KIAA0232: variants seen among roughly 807,000 people sequenced by gnomAD.
KIAA0232 encodes the protein KIAA0232, also known as uncharacterized protein KIAA0232.
A neutral mutation model predicts 122.0 loss-of-function variants in KIAA0232; 27 were observed. The observed-to-expected ratio is 0.22, with a 90% CI of 0.16 to 0.31. The LOEUF is 0.31. Ranked by LOEUF, KIAA0232 falls within the 10% of genes least tolerant of loss-of-function variation. The pLI is 1.00. For missense variants in KIAA0232, 1,551 were observed against 1,634.2 expected (o/e 0.95, Z 0.88); for synonymous variants, 613 against 587.6 (o/e 1.04, Z -0.63).
intron 2 of KIAA0232, among the ~76,000 whole-genome samples, chr4:6,817,055 G>T (rs190012064): frequency 1.3e-4 from 20 of 151,912 alleles, no homozygotes; most frequent in African/African-American, 4.8e-4. Flanking sequence ...CTATTTCACT[G>T]GTTTCTGCTC....
intron 2 of KIAA0232, among the ~76,000 whole-genome samples, chr4:6,807,722 A>G (rs369977835): frequency 1.2e-4 from 18 of 152,174 alleles, no homozygotes; most frequent in Non-Finnish European, 2.2e-4. Context: ...GAGCCAGGCT[A>G]CCTACTAAAG....
intron 2 of KIAA0232, among the ~76,000 whole-genome samples, chr4:6,820,859 T>G (rs530728091): frequency 6.6e-6 from 1 of 152,354 alleles, no homozygotes; most frequent in East Asian, 1.9e-4. Context: ...TCACAGTTCC[T>G]GGAGGCTGGG....
intron 1 of KIAA0232, among the ~76,000 whole-genome samples, chr4:6,783,601 A>G (rs951296578): frequency 9.2e-5 from 14 of 151,686 alleles, no homozygotes; most frequent in Middle Eastern, 3.4e-3. Context: ...CCGGGAAGGG[A>G]AAACCGCCGG....
chr4:6,822,797 C>CT (rs1410452958), intron 2 of KIAA0232, among the ~76,000 whole-genome samples: 2 of 147,918 alleles, frequency 1.4e-5, no homozygotes, highest in Non-Finnish European at 3.0e-5. Flanking sequence ...TATTATTATA[C>CT]TTTAAGTTTT....
chr4:6,790,915 C>CTTTTT lies in KIAA0232; in HGVS notation c.-354+8093_-354+8097dup, dbSNP rs35766310. Among the ~76,000 whole-genome samples, 15 of 92,944 alleles carry CTTTTT rather than the reference C, an allele frequency of 1.6e-4. 1 individual carries two copies. Among genetic ancestry groups the CTTTTT allele is most frequent in the African/African-American group, 5.7e-4 (12 of 21,098 alleles). The allele number at this position is 92,944 out of a possible 152,430, so 61.0% of individuals were successfully genotyped here. On this transcript the variant is annotated intron_variant, in intron 1 of 9. Coordinates refer to ENST00000307659, the MANE Select transcript of KIAA0232 (RefSeq NM_014743.3). ...TGAAGGAGTTTCTTGTTTTTATATA[C>CTTTTT]TTTTTTTTTTTTTTTTTTTTTTTGA... is the stretch of plus-strand genomic sequence containing the variant.
chr4:6,880,896 CA>C lies in KIAA0232; in HGVS notation c.4119del (p.Gly1374AlafsTer27). ...AGCGCCAGCTCCACCTCGGAAGAGA[CA>C]GGCTCAGAAGGCGGAGGCGAGTGGG... ...CSSASSTSEETGSEGGGEWVG... is the reference protein window; with the variant it reads ...CSSASSTSEEXGSEGGGEWVG... On this transcript the variant is annotated frameshift_variant, in exon 10 of 10. Coordinates refer to ENST00000307659, the MANE Select transcript of KIAA0232 (RefSeq NM_014743.3). LOFTEE classifies it high-confidence loss of function. 2 of 1,607,734 alleles carry C rather than the reference CA, an allele frequency of 1.2e-6. No individual in the cohort carries two copies. Among genetic ancestry groups the C allele is most frequent in the Non-Finnish European group, 1.7e-6 (2 of 1,176,920 alleles).
At position 6,821,694 on chromosome 4, in the gene KIAA0232, G is replaced by C. The variant is rs867275780; in HGVS notation, c.-269-2491G>C. Among the ~76,000 whole-genome samples the C allele has an allele frequency of 8.0e-3, 1,211 of 151,486 alleles. 17 individuals carry two copies. Among genetic ancestry groups the C allele is most frequent in the African/African-American group, 0.028 (1,162 of 41,142 alleles). On this transcript the variant is annotated intron_variant, in intron 2 of 9. Coordinates refer to ENST00000307659, the MANE Select transcript of KIAA0232 (RefSeq NM_014743.3). The stretch of plus-strand genomic sequence containing the variant: ...CATATATACATGTATATATGTGTGT[G>C]TGTGTGTGTGTATATATATATATGT...
intron 2 of KIAA0232, among the ~76,000 whole-genome samples, chr4:6,816,940 C>T (rs1031582981): frequency 2.6e-5 from 4 of 152,158 alleles, no homozygotes; most frequent in Non-Finnish European, 4.4e-5. Context: ...GTAGTGATCT[C>T]ACCTCTCTCA....
intron 1 of KIAA0232, among the ~76,000 whole-genome samples, chr4:6,800,102 G>A (rs1324910071): frequency 3.4e-5 from 4 of 116,882 alleles, no homozygotes; most frequent in Admixed American, 9.5e-5. Flanking sequence ...CTGTCGCCCC[G>A]GTTAGAGTGC....
chr4:6,825,204 C>T (rs1718616496), intron 3 of KIAA0232, among the ~76,000 whole-genome samples: 1 of 152,140 alleles, frequency 6.6e-6, no homozygotes, highest in African/African-American at 2.4e-5. Context: ...CAGGATGTGT[C>T]ACCTTGCAAG....
chr4:6,861,629 G>GA lies in KIAA0232; in HGVS notation c.1252dup (p.Ser418LysfsTer2). On this transcript the variant is annotated frameshift_variant, in exon 7 of 10. Transcript: ENST00000307659. LOFTEE classifies it high-confidence loss of function. The stretch of plus-strand genomic sequence containing the variant: ...GCTGAATATTTTGTTCCTCTGAGCA[G>GA]AAAAAGTAAACTAGAGACCACATAC... 1 of 1,614,022 alleles carries GA rather than the reference G, an allele frequency of 6.2e-7. No homozygotes were observed. Among genetic ancestry groups the GA allele is most frequent in the Non-Finnish European group, 8.5e-7 (1 of 1,180,012 alleles).
chr4:6,792,457 C>A (rs1716938212), intron 1 of KIAA0232, among the ~76,000 whole-genome samples: 1 of 151,924 alleles, frequency 6.6e-6, no homozygotes, highest in Non-Finnish European at 1.5e-5. Context: ...TTCTTGGTGG[C>A]TATATTAGTT....
At chr4:6,810,924 A>AAAC (rs531260948) in intron 2 of KIAA0232, among the ~76,000 whole-genome samples, 175 of 152,330 alleles carry the variant, frequency 1.1e-3, no homozygotes, top group African/African-American at 3.7e-3. Flanking sequence ...TAAAAAGACA[A>AAAC]AACAACAACA....
chr4:6,850,827 G>A (rs982350181), intron 4 of KIAA0232, among the ~76,000 whole-genome samples: 2 of 151,972 alleles, frequency 1.3e-5, no homozygotes, highest in African/African-American at 2.4e-5. Context: ...ATGCCACCAC[G>A]CCCAGCTAAT....
intron 7 of KIAA0232, among the ~76,000 whole-genome samples, chr4:6,866,678 A>G (rs1333792183): frequency 1.3e-5 from 2 of 152,238 alleles, no homozygotes; most frequent in African/African-American, 2.4e-5. Flanking sequence ...ATGAAAATGT[A>G]GGATTTCCGA....
At chr4:6,849,262 G>A (rs1720139884) in intron 4 of KIAA0232, among the ~76,000 whole-genome samples, 1 of 152,176 alleles carries the variant, frequency 6.6e-6, no homozygotes. Context: ...AGGATTAGAT[G>A]TGGGGTAGAG....
At position 6,882,707 on chromosome 4, in the gene KIAA0232, C is replaced by A. The variant is rs1418015522; in HGVS notation, c.*1741C>A. The A allele has an allele frequency of 6.6e-6, 1 of 152,644 alleles. No homozygotes were observed. The highest frequency in any genetic ancestry group is 1.5e-5 in the Non-Finnish European group (1 of 68,046). The allele number at this position is 152,644 out of a possible 1,614,324, so 9.5% of individuals were successfully genotyped here. A position where few individuals can be genotyped will look rare whatever the true frequency, so the allele number is the denominator to read the frequency against. ...GTTGCTGTTATTTATTTACGAACTT[C>A]AGATACGTTTTTATGTATTTTTCAT... On this transcript the variant is annotated 3_prime_UTR_variant, in exon 10 of 10. Transcript: ENST00000307659.
chr4:6,825,288 C>G (rs1272264432), intron 3 of KIAA0232, among the ~76,000 whole-genome samples: 1 of 152,144 alleles, frequency 6.6e-6, no homozygotes, highest in African/African-American at 2.4e-5. Flanking sequence ...TGGTGGTTCA[C>G]ACTTAGAGTC....
intron 4 of KIAA0232, among the ~76,000 whole-genome samples, chr4:6,847,714 A>G (rs1246356239): frequency 6.6e-6 from 1 of 152,174 alleles, no homozygotes; most frequent in Non-Finnish European, 1.5e-5. Context: ...GGTATTGTGA[A>G]TCAGCCATAG....
Sources: allele counts gnomAD v4.1 joint callset (sites outside exome capture counted in the v4.1 genomes callset), GRCh38; gene constraint gnomAD v4.1.1; transcripts MANE v1.5; gene names NCBI Gene and HGNC (gene_info 2026-07-23, HGNC 2026-07-21).